Variants in RCBTB1 observed in about 807,000 individuals in gnomAD.
RCBTB1 encodes RCC1 and BTB domain containing protein 1.
A neutral mutation model predicts 62.4 loss-of-function variants in RCBTB1; 46 were observed. The ratio of observed to expected loss-of-function variants is 0.74; its 90% confidence interval spans 0.58 to 0.94. The LOEUF (loss-of-function observed/expected upper bound fraction) is 0.94, where lower values mean the gene tolerates loss of function less well. Among genes scored for constraint, RCBTB1 ranks in the 40% least tolerant of loss-of-function variants. The pLI is 0.00. For synonymous variants in RCBTB1, 222 were observed against 245.8 expected (o/e 0.90, Z 0.91); for missense variants, 565 against 654.9 (o/e 0.86, Z 1.50).
chr13:49,565,171 C>A (rs1962828167), intron 4 of RCBTB1, among the ~76,000 whole-genome samples: 1 of 152,250 alleles, frequency 6.6e-6, no homozygotes, highest in Non-Finnish European at 1.5e-5. Context: ...CGCGCCGCCA[C>A]ACCTGACTGG....
intron 1 of RCBTB1, among the ~76,000 whole-genome samples, chr13:49,584,774 G>A (rs1326711119): frequency 6.6e-6 from 1 of 152,174 alleles, no homozygotes. Flanking sequence ...TCCGCAGATG[G>A]CTTGAAAGTG....
At chr13:49,548,778 G>T (rs901059452) in intron 9 of RCBTB1, among the ~76,000 whole-genome samples, 1 of 151,666 alleles carries the variant, frequency 6.6e-6, no homozygotes, top group Non-Finnish European at 1.5e-5. Flanking sequence ...CAAACTAGTG[G>T]TTGCTAGGGG....
At chr13:49,573,435 T>C (rs947730451) in intron 2 of RCBTB1, among the ~76,000 whole-genome samples, 10 of 148,186 alleles carry the variant, frequency 6.7e-5, no homozygotes, top group African/African-American at 2.2e-4. Context: ...AGAAATTAGA[T>C]ACAATTCCTC....
intron 7 of RCBTB1, among the ~76,000 whole-genome samples, 156 bp downstream of exon 7, chr13:49,552,022 G>T (rs185817502): frequency 6.8e-6 from 1 of 147,676 alleles, no homozygotes; most frequent in Non-Finnish European, 1.5e-5. Context: ...GCTTCTCCTC[G>T]TGGGAAATTA....
At chr13:49,556,335 C>T (rs1482574906) in intron 5 of RCBTB1, among the ~76,000 whole-genome samples, 6 of 151,776 alleles carry the variant, frequency 4.0e-5, no homozygotes, top group Non-Finnish European at 5.9e-5. Flanking sequence ...GGACGACAGG[C>T]GCCCGCCACC....
chr13:49,576,492 T>C (rs1963796273), intron 2 of RCBTB1, among the ~76,000 whole-genome samples: 1 of 152,216 alleles, frequency 6.6e-6, no homozygotes, highest in Non-Finnish European at 1.5e-5. Context: ...GTTTTAATCA[T>C]GTCTTGAGAA....
Position 49,555,586 on chromosome 13 carries a change from A to G in RCBTB1, c.532T>C (p.Leu178=), listed in dbSNP as rs1270110945. 1.9e-6 allele frequency: 3 copies of G among 1,613,678 alleles called. No individual in the cohort carries two copies. In the South Asian group the frequency reaches 3.3e-5, roughly 18 times the overall value. The part of the protein sequence containing the change: ...QPTPRKVTNC[L]HIKRVVGIAC... ...ATGCCAACTACCCTCTTAATATGTA[A>G]ACAGTTTGTAACTTTTCGAGGAGTT... Residue 178 remains leucine (L), a synonymous_variant, in exon 6 of 13, where the codon TTA becomes CTA. Coordinates refer to ENST00000378302, the MANE Select transcript of RCBTB1 (RefSeq NM_018191.4).
rs144952015 is a variant in RCBTB1, at chr13:49,548,232, A to G, written c.1045+1226T>C. Reference sequence around the variant, plus strand: ...TTGTGAAACTCTGTCTCTACTAAAAATATAAAAAAATTAGCCAGGCATGGT... The same window carrying G: ...TTGTGAAACTCTGTCTCTACTAAAAGTATAAAAAAATTAGCCAGGCATGGT... On this transcript the variant is annotated intron_variant, in intron 9 of 12. Transcript: ENST00000378302. Among the ~76,000 whole-genome samples, 1,208 of 151,988 alleles carry G rather than the reference A, an allele frequency of 7.9e-3. 16 individuals are homozygous for G. The highest frequency in any genetic ancestry group is 0.027 in the African/African-American group (1,139 of 41,508).
intron 9 of RCBTB1, chr13:49,547,212 T>C (rs1960866637): frequency 1.6e-6 from 2 of 1,222,850 alleles, no homozygotes; most frequent in South Asian, 1.3e-5. Flanking sequence ...CTAAAGAACA[T>C]GGCAAAAATA....
At chr13:49,542,236 T>C (rs1960436973) in intron 10 of RCBTB1, among the ~76,000 whole-genome samples, 1 of 148,312 alleles carries the variant, frequency 6.7e-6, no homozygotes, top group Admixed American at 6.7e-5. Context: ...AAAGTAAGTA[T>C]ATTAACTACT....
rs540587185 is a variant in RCBTB1, at chr13:49,579,140, C to T, written c.-42+1365G>A. ...ATGTATTTCCCAGGTCCAGATAAGC[C>T]TCTAAGAATCAGCCTCAAACATTTT... On this transcript the variant is annotated intron_variant, in intron 2 of 12. Transcript: ENST00000378302. Among the ~76,000 whole-genome samples the T allele has an allele frequency of 2.0e-5, 3 of 152,296 alleles. No individual in the cohort carries two copies. In the East Asian group the frequency reaches 5.8e-4, roughly 29 times the overall value.
intron 4 of RCBTB1, among the ~76,000 whole-genome samples, chr13:49,561,158 G>T (rs1005128702): frequency 3.3e-5 from 5 of 152,108 alleles, no homozygotes; most frequent in Admixed American, 3.3e-4. Flanking sequence ...CTTTCCCATG[G>T]TAATAAAACA....
At chr13:49,535,077 CTAA>C (rs757297898) in intron 12 of RCBTB1, among the ~76,000 whole-genome samples, 7 of 152,114 alleles carry the variant, frequency 4.6e-5, no homozygotes, top group South Asian at 2.1e-4. Flanking sequence ...TTATGCTCTC[CTAA>C]TAATGACTTT....
intron 6 of RCBTB1, among the ~76,000 whole-genome samples, chr13:49,553,088 A>G (rs1961520439): frequency 6.6e-6 from 1 of 152,116 alleles, no homozygotes; most frequent in Non-Finnish European, 1.5e-5. Context: ...AGGCTGAGAC[A>G]GGAGAATCAC....
At chr13:49,544,893 C>T (rs1594262384) in intron 9 of RCBTB1, 30 bp from the exon 10 acceptor site, 2 of 1,580,424 alleles carry the variant, frequency 1.3e-6, no homozygotes, top group African/African-American at 1.4e-5. Context: ...ATTAATATGG[C>T]AAGTTCAAGG....
intron 3 of RCBTB1, 141 bp from the exon 4 acceptor site, chr13:49,566,909 C>G: frequency 2.2e-6 from 2 of 901,812 alleles, no homozygotes; most frequent in South Asian, 3.8e-5. Flanking sequence ...AAGAAAAATT[C>G]AACCTCTGTG....
At chr13:49,572,559 T>C (rs564980422) in intron 2 of RCBTB1, among the ~76,000 whole-genome samples, 1 of 152,290 alleles carries the variant, frequency 6.6e-6, no homozygotes, top group South Asian at 2.1e-4. Context: ...CCCAGCACTT[T>C]TGGGAGGCTG....
rs1188894271 is a variant in RCBTB1 at position 49,580,584 on chromosome 13, T to C, written c.-121A>G. The C allele has an allele frequency of 2.6e-5, 4 of 152,166 alleles. No individual in the cohort carries two copies. Among genetic ancestry groups the C allele is most frequent in the African/African-American group, 9.7e-5 (4 of 41,438 alleles). The allele number at this position is 152,166 out of a possible 1,614,324, so 9.4% of individuals were successfully genotyped here. ...GTCTGGGCAAGAGAGCAAGATCCTG[T>C]CTGAAAAAGAAAAAAGAAATGGATA... On this transcript the variant is annotated splice_region_variant and 5_prime_UTR_variant, in exon 2 of 13. Coordinates refer to ENST00000378302, the MANE Select transcript of RCBTB1 (RefSeq NM_018191.4).
At chr13:49,585,187 T>C (rs1167839141) in intron 1 of RCBTB1, among the ~76,000 whole-genome samples, 1 of 152,100 alleles carries the variant, frequency 6.6e-6, no homozygotes, top group Non-Finnish European at 1.5e-5. Flanking sequence ...CAGGGAAAAC[T>C]TTCCCTCGCC....
Sources: allele counts gnomAD v4.1 joint callset (sites outside exome capture counted in the v4.1 genomes callset), GRCh38; gene constraint gnomAD v4.1.1; transcripts MANE v1.5; gene names NCBI Gene and HGNC (gene_info 2026-07-23, HGNC 2026-07-21).